Variants in XPO6 observed in about 807,000 individuals in gnomAD.
XPO6 encodes exportin-6.
In XPO6, 3 loss-of-function variants were observed where a neutral mutation model predicts 130.0. That is an observed-to-expected ratio of 0.02 (90% CI 0.01 to 0.06). XPO6 has a LOEUF of 0.06. Among genes scored for constraint, XPO6 ranks in the 10% least tolerant of loss-of-function variants. XPO6 has a pLI of 1.00. For synonymous variants in XPO6, 524 were observed against 548.9 expected, an observed-to-expected ratio of 0.95 and a Z score of 0.63; for missense variants, 970 against 1,393.0, an observed-to-expected ratio of 0.70 and a Z score of 4.83.
At position 28,120,005 on chromosome 16, in the gene XPO6, G is replaced by T. The variant is rs373720276; in HGVS notation, c.1859+1665C>A. Among the ~76,000 whole-genome samples the T allele has an allele frequency of 3.4e-4, 51 of 152,120 alleles. No homozygotes were observed. In the South Asian group the frequency reaches 9.6e-3, roughly 29 times the overall value. On this transcript the variant is annotated intron_variant, in intron 14 of 23. Coordinates refer to ENST00000304658, the MANE Select transcript of XPO6 (RefSeq NM_015171.4). ...TACAGGTGCAAGTGCCACCATGCCCGGCTAATTTTTATATTTTTTGGTAGA... is the reference window on the plus strand; with the variant it reads ...TACAGGTGCAAGTGCCACCATGCCCTGCTAATTTTTATATTTTTTGGTAGA...
intron 13 of XPO6, among the ~76,000 whole-genome samples, chr16:28,122,338 C>T (rs147275390): frequency 6.6e-6 from 1 of 152,132 alleles, no homozygotes; most frequent in African/African-American, 2.4e-5. Flanking sequence ...TCTTAAAAAG[C>T]AGGCAGAATG....
chr16:28,101,973 A>T lies in XPO6; in HGVS notation c.2947-28T>A, dbSNP rs2086663802. On this transcript the variant is annotated intron_variant, in intron 21 of 23. Coordinates refer to ENST00000304658, the MANE Select transcript of XPO6 (RefSeq NM_015171.4). The surrounding 1 kb of genome is among the most constrained non-coding windows in gnomAD (Gnocchi z 5.4). ...AGGAAATGAGACCACCATTTTATAAACTGCAAGACCAAGCACTTCTGGAGC... is the reference window on the plus strand; with the variant it reads ...AGGAAATGAGACCACCATTTTATAATCTGCAAGACCAAGCACTTCTGGAGC... 3 of 1,591,956 alleles carry T rather than the reference A, an allele frequency of 1.9e-6. No homozygotes were observed. Among genetic ancestry groups the T allele is most frequent in the Non-Finnish European group, 2.6e-6 (3 of 1,161,180 alleles).
chr16:28,099,163 C>T (rs978364048), intron 23 of XPO6, among the ~76,000 whole-genome samples: 11 of 152,312 alleles, frequency 7.2e-5, no homozygotes, highest in African/African-American at 2.2e-4. Context: ...CCCTGCCCCT[C>T]GAGAGCCACC....
At chr16:28,198,454 C>A (rs542456720) in intron 1 of XPO6, among the ~76,000 whole-genome samples, 4 of 151,876 alleles carry the variant, frequency 2.6e-5, no homozygotes, top group African/African-American at 4.8e-5. Flanking sequence ...GCATCAGCAC[C>A]TACTTTAATT....
chr16:28,146,127 C>T lies in XPO6; in HGVS notation c.1301G>A (p.Ser434Asn). Residue 434 changes from serine (S) to asparagine (N), a missense_variant, in exon 9 of 24, where the codon AGT becomes AAT. Physicochemically the swap from Ser to Asn is conservative, Grantham distance 46. Coordinates refer to ENST00000304658, the MANE Select transcript of XPO6 (RefSeq NM_015171.4). Reference protein sequence around the residue: ...FLDYLTSKIKSRLGDKEAVLN... With the variant: ...FLDYLTSKIKNRLGDKEAVLN... The stretch of plus-strand genomic sequence containing the variant: ...AACTGCTTCCTTGTCTCCAAGACGA[C>T]TTTTAATTTTACTTGTCAGATAGTC... 2.5e-6 allele frequency: 4 copies of T among 1,614,042 alleles called. No homozygotes were observed. Among genetic ancestry groups the T allele is most frequent in the Non-Finnish European group, 1.7e-6 (2 of 1,179,964 alleles).
chr16:28,098,634 C>A lies in XPO6; in HGVS notation c.3282G>T (p.Leu1094=). The A allele has an allele frequency of 1.2e-6, 2 of 1,609,844 alleles. No individual in the cohort carries two copies. Among genetic ancestry groups the A allele is most frequent in the East Asian group, 2.2e-5 (1 of 44,672 alleles). The change falls in exon 24 of 24, where the codon CTG becomes CTT. Residue 1094 remains leucine, a synonymous_variant. Transcript: ENST00000304658. ...LGRNFKMDRD[L]PSFTQNVHRL... ...TGTGCACATTCTGGGTGAATGAGGGCAGGTCCTGGAAGGCAGGGGCATAGC... is the reference window on the plus strand; with the variant it reads ...TGTGCACATTCTGGGTGAATGAGGGAAGGTCCTGGAAGGCAGGGGCATAGC...
In XPO6 at chr16:28,103,918, C is replaced by T. The variant is rs187456403; in HGVS notation, c.2946+628G>A. ...CACTGAAAATACCAAAAGAGACTCCCCTAGCTAGACTCAGATGAGAACGTC... is the reference window on the plus strand; with the variant it reads ...CACTGAAAATACCAAAAGAGACTCCTCTAGCTAGACTCAGATGAGAACGTC... On this transcript the variant is annotated intron_variant, in intron 21 of 23. Coordinates refer to ENST00000304658, the MANE Select transcript of XPO6 (RefSeq NM_015171.4). Among the ~76,000 whole-genome samples, 15 of 152,324 alleles carry T rather than the reference C, an allele frequency of 9.8e-5. No individual in the cohort carries two copies. The East Asian group carries it at 2.9e-3, about 29-fold the overall frequency.
chr16:28,129,494 G>A (rs1351631229), intron 12 of XPO6, among the ~76,000 whole-genome samples: 2 of 152,136 alleles, frequency 1.3e-5, no homozygotes, highest in Non-Finnish European at 2.9e-5. Flanking sequence ...AAAACATCAT[G>A]GCCACACAAA....
chr16:28,190,374 C>T (rs2043767326), intron 1 of XPO6, among the ~76,000 whole-genome samples: 1 of 152,046 alleles, frequency 6.6e-6, no homozygotes, highest in Admixed American at 6.6e-5. Flanking sequence ...TGCCCGCCAC[C>T]ACACCTGGCT....
intron 9 of XPO6, among the ~76,000 whole-genome samples, chr16:28,136,297 C>G (rs1337264277): frequency 6.6e-6 from 1 of 152,164 alleles, no homozygotes; most frequent in African/African-American, 2.4e-5. Flanking sequence ...TTGGCTCACT[C>G]CAACCTCCGC....
chr16:28,198,092 G>A (rs2043897715), intron 1 of XPO6, among the ~76,000 whole-genome samples: 1 of 151,194 alleles, frequency 6.6e-6, no homozygotes, highest in Admixed American at 6.6e-5. Flanking sequence ...TATTTACCAT[G>A]GCAAAAAACA....
intron 20 of XPO6, 31 bp from the exon 21 acceptor site, chr16:28,104,738 A>C: frequency 6.2e-7 from 1 of 1,610,766 alleles, no homozygotes; most frequent in Non-Finnish European, 8.5e-7. Flanking sequence ...TCAGACCTGC[A>C]GCTTGCGGAG....
chr16:28,196,207 A>G (rs1430904301), intron 1 of XPO6, among the ~76,000 whole-genome samples: 4 of 152,150 alleles, frequency 2.6e-5, no homozygotes, highest in Admixed American at 1.3e-4. Flanking sequence ...GGCCAATTAA[A>G]TATGCTGAAT....
chr16:28,115,313 A>G (rs1485133196), intron 15 of XPO6, among the ~76,000 whole-genome samples: 1 of 152,236 alleles, frequency 6.6e-6, no homozygotes, highest in African/African-American at 2.4e-5. Flanking sequence ...CTTGAAAGCC[A>G]AAATTACCCC....
At chr16:28,116,531 CCTCA>C (rs2087063006) in intron 15 of XPO6, among the ~76,000 whole-genome samples, 2 of 151,280 alleles carry the variant, frequency 1.3e-5, no homozygotes, top group Non-Finnish European at 1.5e-5. Context: ...GACACGCCTT[CCTCA>C]CTAAGCTTAA....
intron 1 of XPO6, among the ~76,000 whole-genome samples, chr16:28,191,578 A>C (rs1396815316): frequency 2.0e-5 from 3 of 152,210 alleles, no homozygotes; most frequent in Non-Finnish European, 2.9e-5. Flanking sequence ...CTTGTTCTAC[A>C]ATGAGGAAAA....
chr16:28,135,677 C>A lies in XPO6; in HGVS notation c.1335-353G>T, dbSNP rs139010036. 4.5e-3 allele frequency among the ~76,000 whole-genome samples: 678 copies of A among 152,252 alleles called. 6 individuals are homozygous for A. Among genetic ancestry groups the A allele is most frequent in the African/African-American group, 0.016 (658 of 41,550 alleles). Reference sequence around the variant, plus strand: ...TTTTGCACGGAATATCTCTTTCCATCTTTTTACTTGCAATCTATTTGTATC... The same window carrying A: ...TTTTGCACGGAATATCTCTTTCCATATTTTTACTTGCAATCTATTTGTATC... On this transcript the variant is annotated intron_variant, in intron 9 of 23. Coordinates refer to ENST00000304658, the MANE Select transcript of XPO6 (RefSeq NM_015171.4).
chr16:28,161,353 T>C (rs2043275050), intron 6 of XPO6, among the ~76,000 whole-genome samples: 1 of 152,184 alleles, frequency 6.6e-6, no homozygotes. Flanking sequence ...ATGCTAACGC[T>C]GGAAGAACAT....
chr16:28,190,223 A>ATT (rs753474910), intron 1 of XPO6, among the ~76,000 whole-genome samples: 19 of 136,114 alleles, frequency 1.4e-4, no homozygotes, highest in African/African-American at 3.9e-4. Context: ...TTCTTTCTTT[A>ATT]TTTTTTTTTT....
Sources: gnomAD v4.1 joint callset for allele counts (sites outside exome capture counted in the v4.1 genomes callset) on GRCh38, gnomAD v4.1.1 for gene constraint, Gnocchi (gnomAD v3.1) non-coding constraint, MANE v1.5 for transcripts, NCBI Gene and HGNC (gene_info 2026-07-23, HGNC 2026-07-21) for gene names.